The following TIMP2 variants were observed in gnomAD, a reference collection of about 807,000 sequenced individuals.
TIMP2 encodes the protein TIMP metallopeptidase inhibitor 2.
A neutral mutation model predicts 24.3 loss-of-function variants in TIMP2; 5 were observed. That is an observed-to-expected ratio of 0.21 (90% confidence interval 0.11 to 0.43). The LOEUF is 0.43. Among genes scored for constraint, TIMP2 ranks in the 20% least tolerant of loss-of-function variants. TIMP2 has a pLI of 1.00. For synonymous variants in TIMP2, 130 were observed against 123.2 expected (o/e 1.06, Z -0.37); for missense variants, 221 against 297.5 (o/e 0.74, Z 1.89).
intron 1 of TIMP2, among the ~76,000 whole-genome samples, chr17:78,882,331 C>T (rs1345892358): frequency 2.0e-5 from 3 of 152,190 alleles, no homozygotes; most frequent in African/African-American, 4.8e-5. Flanking sequence ...GGCCCCTCTG[C>T]CCCAGCCACC....
chr17:78,869,821 A>C (rs78326406), intron 3 of TIMP2, among the ~76,000 whole-genome samples: 3 of 152,140 alleles, frequency 2.0e-5, no homozygotes, highest in Non-Finnish European at 4.4e-5. Context: ...TCTCAAAAAC[A>C]AAAAAAAGAG....
intron 1 of TIMP2, among the ~76,000 whole-genome samples, chr17:78,923,391 C>CGGGTGGGGGGGGGGGGG (rs2070322697): frequency 1.1e-3 from 1 of 928 alleles, no homozygotes; most frequent in Non-Finnish European, 2.7e-3. Context: ...GTGTGTGGGG[C>CGGGTGGGGGGGGGGGGG]GGGGTGGGGG....
intron 2 of TIMP2, among the ~76,000 whole-genome samples, chr17:78,871,897 C>T (rs2069688673): frequency 6.6e-6 from 1 of 151,954 alleles, no homozygotes; most frequent in Admixed American, 6.6e-5. Flanking sequence ...GACAACACCT[C>T]TGTTCCCTCA....
chr17:78,858,445 T>C (rs1478733975), intron 3 of TIMP2, among the ~76,000 whole-genome samples: 2 of 150,538 alleles, frequency 1.3e-5, no homozygotes, highest in African/African-American at 2.4e-5. Context: ...CGAGACTCAG[T>C]CTAAAAAAAA....
chr17:78,869,694 A>G (rs1202450851), intron 3 of TIMP2, among the ~76,000 whole-genome samples: 1 of 152,044 alleles, frequency 6.6e-6, no homozygotes, highest in Non-Finnish European at 1.5e-5. Context: ...GTGTGCCTAT[A>G]ATCCCAGCTA....
At chr17:78,916,875 A>G (rs2070263087) in intron 1 of TIMP2, among the ~76,000 whole-genome samples, 1 of 152,138 alleles carries the variant, frequency 6.6e-6, no homozygotes, top group Non-Finnish European at 1.5e-5. Context: ...TACCCACCCC[A>G]GGACCTTTCC....
chr17:78,925,190 A>C lies in TIMP2; in HGVS notation c.-102T>G. ...GCGGGCGGGGGCTGAGCCGGGGCCG[A>C]GGCGGGCCCCTCCCGCGCGGCTCAC... On this transcript the variant is annotated 5_prime_UTR_variant, in exon 1 of 5. Coordinates refer to ENST00000262768, the MANE Select transcript of TIMP2 (RefSeq NM_003255.5). The C allele has an allele frequency of 4.3e-5, 13 of 301,684 alleles. No individual in the cohort carries two copies. The highest frequency in any genetic ancestry group is 6.1e-5 in the Non-Finnish European group (13 of 212,040). The allele number at this position is 301,684 out of a possible 1,614,324, so 18.7% of individuals were successfully genotyped here.
chr17:78,906,569 T>TC (rs1568006302), intron 1 of TIMP2, among the ~76,000 whole-genome samples: 1 of 152,016 alleles, frequency 6.6e-6, no homozygotes, highest in Admixed American at 6.6e-5. Context: ...TTCTTTTTTT[T>TC]CCTTTTCTTT....
Position 78,853,206 on chromosome 17 carries a change from A to C in TIMP2, c.*2461T>G, listed in dbSNP as rs2069498109. 1 of 152,618 alleles carries C rather than the reference A, an allele frequency of 6.6e-6. No individual in the cohort carries two copies. The highest frequency in any genetic ancestry group is 2.4e-5 in the African/African-American group (1 of 41,434). 9.5% of individuals were successfully genotyped at this position (152,618 alleles called of 1,614,324 possible). A position where few individuals can be genotyped will look rare whatever the true frequency, so the allele number is the denominator to read the frequency against. ...GCTTTAAATTACGGCAGCAAGTCCA[A>C]TATTTCTTAATACTTATCAAGCAAA... On this transcript the variant is annotated 3_prime_UTR_variant, in exon 5 of 5. Coordinates refer to ENST00000262768, the MANE Select transcript of TIMP2 (RefSeq NM_003255.5).
chr17:78,865,876 A>G (rs2069609511), intron 3 of TIMP2, among the ~76,000 whole-genome samples: 1 of 152,192 alleles, frequency 6.6e-6, no homozygotes, highest in Non-Finnish European at 1.5e-5. Flanking sequence ...GGCTCAGACC[A>G]AGGTCACTTT....
intron 3 of TIMP2, among the ~76,000 whole-genome samples, chr17:78,867,641 A>T (rs2069629360): frequency 1.4e-5 from 2 of 142,606 alleles, no homozygotes; most frequent in African/African-American, 5.3e-5. Flanking sequence ...TGTCGCCCAG[A>T]CTGGAGTGCA....
At chr17:78,921,564 A>C (rs2070308886) in intron 1 of TIMP2, among the ~76,000 whole-genome samples, 1 of 152,208 alleles carries the variant, frequency 6.6e-6, no homozygotes, top group Non-Finnish European at 1.5e-5. Context: ...TGGTGAGCCC[A>C]AAGCTAATTT....
chr17:78,860,678 T>C (rs2069560721), intron 3 of TIMP2, among the ~76,000 whole-genome samples: 3 of 152,212 alleles, frequency 2.0e-5, no homozygotes, highest in Non-Finnish European at 4.4e-5. Flanking sequence ...AAAGTAGAAT[T>C]ACTCCTGTAA....
intron 1 of TIMP2, chr17:78,901,074 A>AC (rs1353703945): frequency 2.6e-5 from 4 of 152,620 alleles, no homozygotes; most frequent in African/African-American, 9.6e-5. Flanking sequence ...ACCCTGCAGG[A>AC]CGCCACAGCA....
intron 1 of TIMP2, chr17:78,922,079 TGCAAAAGCCGAAGTCTGA>T (rs1309471737): frequency 6.6e-6 from 1 of 152,204 alleles, no homozygotes; most frequent in Admixed American, 6.5e-5. Flanking sequence ...CTTTTAAAAC[TGCAAAAGCCGAAGTCTGA>T]GCAAGACCCT....
chr17:78,915,348 T>C (rs2070247012), intron 1 of TIMP2, among the ~76,000 whole-genome samples: 1 of 152,148 alleles, frequency 6.6e-6, no homozygotes. Flanking sequence ...GCAAACCTCA[T>C]GAACAAGGCC....
Position 78,890,575 on chromosome 17 carries a change from C to CA in TIMP2, c.131-16657_131-16656insT, listed in dbSNP as rs752840107. On this transcript the variant is annotated intron_variant, in intron 1 of 4. Transcript: ENST00000262768. ...GACGCAAACACAGATCTTAGAGACC[C>CA]GGGTACCAGTGCTGGCAGCACCATT... is the stretch of plus-strand genomic sequence containing the variant. 231 of 1,481,950 alleles carry CA rather than the reference C, an allele frequency of 1.6e-4. 1 individual carries two copies. Among genetic ancestry groups the CA allele is most frequent in the Non-Finnish European group, 3.4e-5 (37 of 1,102,830 alleles). The allele number at this position is 1,481,950 out of a possible 1,614,324, so 91.8% of individuals were successfully genotyped here.
At chr17:78,914,161 C>G (rs2070233707) in intron 1 of TIMP2, among the ~76,000 whole-genome samples, 1 of 152,186 alleles carries the variant, frequency 6.6e-6, no homozygotes, top group African/African-American at 2.4e-5. Flanking sequence ...GCCTGCCTGA[C>G]TTCCCCTTGA....
At chr17:78,917,189 T>C (rs2070266468) in intron 1 of TIMP2, among the ~76,000 whole-genome samples, 1 of 148,030 alleles carries the variant, frequency 6.8e-6, no homozygotes, top group Non-Finnish European at 1.5e-5. Flanking sequence ...GAGGCGGAGC[T>C]TGCAGTGAGC....
Sources: gnomAD v4.1 joint callset for allele counts (sites outside exome capture counted in the v4.1 genomes callset) on GRCh38, gnomAD v4.1.1 for gene constraint, MANE v1.5 for transcripts, NCBI Gene and HGNC (gene_info 2026-07-23, HGNC 2026-07-21) for gene names.